Variants in SPRR2F observed in about 807,000 individuals in gnomAD.
SPRR2F encodes small proline-rich protein 2F.
SPRR2F carries 2 observed loss-of-function variants against 0.8 expected under a neutral mutation model. The observed-to-expected ratio is 2.52, with a 90% CI of 1.03 to 7.95. The LOEUF (loss-of-function observed/expected upper bound fraction) is 7.95, where lower values mean the gene tolerates loss of function less well. SPRR2F is among the 30% of genes most tolerant of loss of function. The pLI is 0.04. For synonymous variants in SPRR2F, 39 were observed against 33.4 expected (o/e 1.17, Z -0.58); for missense variants, 80 against 85.8 (o/e 0.93, Z 0.27).
At chr1:153,115,854 A>C (rs1188502548), upstream of SPRR2F, among the ~76,000 whole-genome samples, 1 of 152,190 alleles carries the variant, frequency 6.6e-6, no homozygotes, top group Admixed American at 6.5e-5. Flanking sequence ...CATTTCTCCT[A>C]CTTTTACTCC....
At chr1:153,118,996 G>T in the SPRR2F span, among the ~76,000 whole-genome samples, 1 of 152,110 alleles carries the variant, frequency 6.6e-6, no homozygotes, top group African/African-American at 2.4e-5. Context: ...AATTTTTTAT[G>T]CATTTACAGT....
intron 1 of SPRR2F, among the ~76,000 whole-genome samples, 181 bp downstream of exon 1, chr1:153,113,293 C>G (rs1348435214): frequency 6.6e-6 from 1 of 152,190 alleles, no homozygotes; most frequent in Non-Finnish European, 1.5e-5. Flanking sequence ...ATATGAACAC[C>G]TAACTCTGTA....
Position 153,112,233 on chromosome 1 carries a change from A to T in SPRR2F, c.*282T>A, listed in dbSNP as rs77728727. Reference sequence around the variant, plus strand: ...ACAGAAAACATCAACAGAATTCTCTAATGGTTCCCAGGGAGAGAGCTGCTC... The same window carrying T: ...ACAGAAAACATCAACAGAATTCTCTTATGGTTCCCAGGGAGAGAGCTGCTC... On this transcript the variant is annotated 3_prime_UTR_variant, in exon 2 of 2. Transcript: ENST00000468739. The T allele has an allele frequency of 3.2e-5, 16 of 498,400 alleles. No homozygotes were observed. The highest frequency in any genetic ancestry group is 5.5e-5 in the Non-Finnish European group (16 of 293,372). 30.9% of individuals were successfully genotyped at this position (498,400 alleles called of 1,614,324 possible).
At chr1:153,115,322 T>C (rs1291213085), upstream of SPRR2F, among the ~76,000 whole-genome samples, 1 of 152,230 alleles carries the variant, frequency 6.6e-6, no homozygotes, top group East Asian at 1.9e-4. Context: ...TCACATCACA[T>C]CTAAAACACA....
chr1:153,117,708 T>A (rs1220584583), upstream of SPRR2F, among the ~76,000 whole-genome samples: 1 of 152,106 alleles, frequency 6.6e-6, no homozygotes, highest in Non-Finnish European at 1.5e-5. Flanking sequence ...TGATTTTGTA[T>A]GCTTTGTGTT....
upstream of SPRR2F, among the ~76,000 whole-genome samples, chr1:153,113,780 C>T (rs1446956004): frequency 4.6e-5 from 7 of 152,112 alleles, no homozygotes; most frequent in East Asian, 7.7e-4. Flanking sequence ...GATTCTCTAA[C>T]TGGTGGTCAA....
chr1:153,117,598 TC>T (rs915033656), upstream of SPRR2F, among the ~76,000 whole-genome samples: 1 of 152,034 alleles, frequency 6.6e-6, no homozygotes, highest in African/African-American at 2.4e-5. Flanking sequence ...GCATTAACCT[TC>T]CCAAAGAAAA....
Position 153,113,135 on chromosome 1 carries a change from G to A in SPRR2F, c.-20+339C>T, listed in dbSNP as rs367786696. ...GGGTTGACATAGGCACACAGAAAAC[G>A]ACTGTTTGGGAAGAATTGCATGCTC... is the stretch of plus-strand genomic sequence containing the variant. On this transcript the variant is annotated intron_variant, in intron 1 of 1. Transcript: ENST00000468739. Among the ~76,000 whole-genome samples, 89 of 152,268 alleles carry A rather than the reference G, an allele frequency of 5.8e-4. 2 individuals carry two copies. The highest frequency in any genetic ancestry group is 2.1e-3 in the African/African-American group (88 of 41,564).
Position 153,112,551 on chromosome 1 carries a change from T to A in SPRR2F, c.183A>T (p.Pro61=), listed in dbSNP as rs773296488. The A allele has an allele frequency of 6.2e-7, 1 of 1,612,366 alleles. No homozygotes were observed. Among genetic ancestry groups the A allele is most frequent in the African/African-American group, 1.3e-5 (1 of 74,716 alleles). The change falls in exon 2 of 2, where the codon CCA becomes CCT. Residue 61 remains proline (P), a synonymous_variant. Transcript: ENST00000468739. ...QQKCPPVTPS[P]PCQPKCPPKS... is the part of the protein sequence containing the mutation. ...TGGGTGGACACTTTGGCTGGCAGGG[T>A]GGGGAAGGTGTCACAGGAGGACATT...
rs1179429937 is a variant in SPRR2F at position 153,112,170 on chromosome 1, A to G, written c.*345T>C. The G allele has an allele frequency of 5.2e-6, 2 of 380,996 alleles. No individual in the cohort carries two copies. The highest frequency in any genetic ancestry group is 2.1e-5 in the African/African-American group (1 of 48,400). 23.6% of individuals were successfully genotyped at this position (380,996 alleles called of 1,614,324 possible). A position where few individuals can be genotyped will look rare whatever the true frequency, so the allele number is the denominator to read the frequency against. On this transcript the variant is annotated 3_prime_UTR_variant, in exon 2 of 2. Coordinates refer to ENST00000468739, the MANE Select transcript of SPRR2F (RefSeq NM_001014450.3). Reference sequence around the variant, plus strand: ...GGAGTGAAAGGAAAGTGACAACTGCACAGGTGGTGGAAGCTCATGCCCAGG... The same window carrying G: ...GGAGTGAAAGGAAAGTGACAACTGCGCAGGTGGTGGAAGCTCATGCCCAGG...
In SPRR2F at chr1:153,113,044, A is replaced by G. The variant is rs911163449; in HGVS notation, c.-19-292T>C. On this transcript the variant is annotated intron_variant, in intron 1 of 1. Coordinates refer to ENST00000468739, the MANE Select transcript of SPRR2F (RefSeq NM_001014450.3). ...AACATCTTCAAGAAAGGCAGTCACA[A>G]GTTCAGATACCCAGGGCTATCTCAC... Among the ~76,000 whole-genome samples, 4 of 152,076 alleles carry G rather than the reference A, an allele frequency of 2.6e-5. No individual in the cohort carries two copies. The East Asian group carries it at 7.7e-4, about 29-fold the overall frequency.
chr1:153,119,372 G>A, the SPRR2F span, among the ~76,000 whole-genome samples: 6 of 152,294 alleles, frequency 3.9e-5, no homozygotes, highest in Admixed American at 6.5e-5. Flanking sequence ...AAGACACAAC[G>A]GTTGCAGAAT....
intron 1 of SPRR2F, among the ~76,000 whole-genome samples, chr1:153,113,079 C>G (rs990868251): frequency 1.3e-5 from 2 of 152,132 alleles, no homozygotes; most frequent in Non-Finnish European, 2.9e-5. Context: ...CAAGCTATTC[C>G]TGTTATCATT....
chr1:153,112,354 C>A lies in SPRR2F; in HGVS notation c.*161G>T, dbSNP rs564909812. On this transcript the variant is annotated 3_prime_UTR_variant, in exon 2 of 2. Transcript: ENST00000468739. ...AGTATGGCAGCCTCAAAAAGAAAAC[C>A]TTTTGCTATCAGAGATCATCACAGG... 4.9e-5 allele frequency: 66 copies of A among 1,352,566 alleles called. 1 individual carries two copies. In the South Asian group the frequency reaches 7.6e-4, roughly 16 times the overall value. The allele number at this position is 1,352,566 out of a possible 1,614,324, so 83.8% of individuals were successfully genotyped here.
At chr1:153,115,696 C>T (rs1655709851), upstream of SPRR2F, among the ~76,000 whole-genome samples, 1 of 152,086 alleles carries the variant, frequency 6.6e-6, no homozygotes, top group East Asian at 1.9e-4. Flanking sequence ...CACACACATA[C>T]CCACCATGGG....
upstream of SPRR2F, among the ~76,000 whole-genome samples, chr1:153,114,338 C>T (rs1005035026): frequency 2.0e-5 from 3 of 152,062 alleles, no homozygotes; most frequent in African/African-American, 4.8e-5. Flanking sequence ...TGTATACTAG[C>T]GCCTTTTTAT....
upstream of SPRR2F, among the ~76,000 whole-genome samples, chr1:153,116,986 G>T (rs940394693): frequency 1.3e-5 from 2 of 151,992 alleles, no homozygotes; most frequent in Non-Finnish European, 2.9e-5. Flanking sequence ...TATGTACTTA[G>T]ACTTATGACT....
upstream of SPRR2F, among the ~76,000 whole-genome samples, chr1:153,114,573 A>G: frequency 6.6e-6 from 1 of 152,160 alleles, no homozygotes; most frequent in East Asian, 1.9e-4. Context: ...AATCTGGGGG[A>G]AAATACAAAT....
intron 1 of SPRR2F, among the ~76,000 whole-genome samples, chr1:153,112,989 A>C (rs1655636148): frequency 6.6e-6 from 1 of 152,162 alleles, no homozygotes; most frequent in South Asian, 2.1e-4. Context: ...CTCTGTAGTA[A>C]ACAACCAAGC....
Sources: gnomAD v4.1 joint callset for allele counts (sites outside exome capture counted in the v4.1 genomes callset) on GRCh38, gnomAD v4.1.1 for gene constraint, MANE v1.5 for transcripts, NCBI Gene and HGNC (gene_info 2026-07-23, HGNC 2026-07-21) for gene names.